The following PRKCA variants were observed in gnomAD, a reference collection of about 807,000 sequenced individuals.
PRKCA encodes the protein protein kinase C alpha type.
A neutral mutation model predicts 87.0 loss-of-function variants in PRKCA; 27 were observed. The observed-to-expected ratio is 0.31, with a 90% CI of 0.23 to 0.43. The LOEUF is 0.43. PRKCA is among the 20% of genes least tolerant of loss of function. The pLI is 1.00. For missense variants in PRKCA, 518 were observed against 852.3 expected (o/e 0.61, Z 4.88); for synonymous variants, 329 against 311.1 (o/e 1.06, Z -0.61).
At chr17:66,619,329 A>G (rs1478800628) in intron 3 of PRKCA, among the ~76,000 whole-genome samples, 1 of 152,176 alleles carries the variant, frequency 6.6e-6, no homozygotes, top group African/African-American at 2.4e-5. Context: ...GCAGGTGTCA[A>G]CCGCTCCAAG....
intron 3 of PRKCA, among the ~76,000 whole-genome samples, chr17:66,530,951 A>G (rs1967514249): frequency 6.6e-6 from 1 of 152,158 alleles, no homozygotes; most frequent in Non-Finnish European, 1.5e-5. Context: ...GCCTCCTGAC[A>G]ATACTTCCAA....
chr17:66,771,893 C>T (rs1974942657), intron 13 of PRKCA, among the ~76,000 whole-genome samples: 1 of 152,216 alleles, frequency 6.6e-6, no homozygotes, highest in Non-Finnish European at 1.5e-5. Context: ...CCACGCCCGC[C>T]GCTTCCTTAT....
At chr17:66,478,442 C>T (rs1038688857) in intron 2 of PRKCA, among the ~76,000 whole-genome samples, 4 of 151,990 alleles carry the variant, frequency 2.6e-5, no homozygotes, top group East Asian at 3.9e-4. Flanking sequence ...TTAGTAGAGA[C>T]GGGGTTTCAC....
At chr17:66,380,701 A>G (rs952619742) in intron 2 of PRKCA, among the ~76,000 whole-genome samples, 8 of 152,168 alleles carry the variant, frequency 5.3e-5, no homozygotes, top group African/African-American at 1.9e-4. Flanking sequence ...TTGTTTTATA[A>G]CATATTTTTC....
chr17:66,470,291 C>T (rs1454161407), intron 2 of PRKCA, among the ~76,000 whole-genome samples: 57 of 143,648 alleles, frequency 4.0e-4, no homozygotes, highest in African/African-American at 1.3e-3. Flanking sequence ...CTGCCACCCC[C>T]CCTCCCCAAC....
At chr17:66,560,924 C>T (rs192749447) in intron 3 of PRKCA, among the ~76,000 whole-genome samples, 6 of 152,264 alleles carry the variant, frequency 3.9e-5, no homozygotes, top group African/African-American at 9.6e-5. Flanking sequence ...AGGAGATTGT[C>T]GGCTGTCTTC....
intron 2 of PRKCA, among the ~76,000 whole-genome samples, chr17:66,395,186 A>C (rs1910593113): frequency 6.6e-6 from 1 of 152,130 alleles, no homozygotes; most frequent in Non-Finnish European, 1.5e-5. Flanking sequence ...CCCACAAACC[A>C]ACAGGACCGT....
intron 3 of PRKCA, among the ~76,000 whole-genome samples, chr17:66,590,765 A>C (rs1969777932): frequency 1.3e-5 from 2 of 151,924 alleles, no homozygotes; most frequent in Non-Finnish European, 2.9e-5. Flanking sequence ...CAGGAGAATC[A>C]CTTGAACCCG....
At chr17:66,348,184 C>T (rs748623610) in intron 2 of PRKCA, among the ~76,000 whole-genome samples, 11 of 152,008 alleles carry the variant, frequency 7.2e-5, no homozygotes, top group Non-Finnish European at 1.2e-4. Context: ...TCATGTGATC[C>T]ACCTGCCTTG....
chr17:66,727,096 T>C (rs897859400), intron 8 of PRKCA, among the ~76,000 whole-genome samples: 1 of 152,114 alleles, frequency 6.6e-6, no homozygotes, highest in Non-Finnish European at 1.5e-5. Context: ...TTGCTGCCCG[T>C]GGGCTAGGGG....
chr17:66,556,323 C>CTTTTTTTTT (rs61549626), intron 3 of PRKCA, among the ~76,000 whole-genome samples: 1 of 129,006 alleles, frequency 7.8e-6, no homozygotes, highest in African/African-American at 2.9e-5. Flanking sequence ...CTTTCTTCTT[C>CTTTTTTTTT]TTTTTTTTTT....
intron 2 of PRKCA, among the ~76,000 whole-genome samples, chr17:66,462,120 T>C (rs1914882062): frequency 6.6e-6 from 1 of 152,174 alleles, no homozygotes. Flanking sequence ...CTTCCCTCTG[T>C]TTGAACTCAA....
At chr17:66,416,814 A>C (rs1912182896) in intron 2 of PRKCA, 1 of 145,396 alleles carries the variant, frequency 6.9e-6, no homozygotes, top group African/African-American at 2.6e-5. Context: ...GGTGCCAGAA[A>C]CCTCACTGTG....
intron 2 of PRKCA, among the ~76,000 whole-genome samples, chr17:66,352,559 T>TTG (rs371118720): frequency 2.1e-3 from 40 of 18,928 alleles, no homozygotes; most frequent in Non-Finnish European, 4.2e-3. Flanking sequence ...TTTTTTGAGG[T>TTG]TTTTTTTTTT....
At chr17:66,450,118 C>T (rs1400371326) in intron 2 of PRKCA, among the ~76,000 whole-genome samples, 2 of 151,528 alleles carry the variant, frequency 1.3e-5, no homozygotes, top group African/African-American at 2.4e-5. Flanking sequence ...ACTGGGTGAC[C>T]TTTGACAAGA....
intron 2 of PRKCA, among the ~76,000 whole-genome samples, chr17:66,428,339 G>A (rs1356618854): frequency 6.6e-6 from 1 of 152,100 alleles, no homozygotes; most frequent in East Asian, 1.9e-4. Context: ...TAATGAACAG[G>A]TGAGATGTCA....
At chr17:66,545,002 A>G (rs1237751709) in intron 3 of PRKCA, among the ~76,000 whole-genome samples, 1 of 152,246 alleles carries the variant, frequency 6.6e-6, no homozygotes, top group Admixed American at 6.5e-5. Flanking sequence ...ACTTACCGAA[A>G]GTTACATTAT....
At chr17:66,433,124 C>G (rs1913183725) in intron 2 of PRKCA, among the ~76,000 whole-genome samples, 1 of 152,196 alleles carries the variant, frequency 6.6e-6, no homozygotes, top group Admixed American at 6.5e-5. Context: ...TATACCCTCA[C>G]TGCCTTTTTT....
chr17:66,794,100 G>C (rs1167152593), intron 16 of PRKCA, among the ~76,000 whole-genome samples: 1 of 152,186 alleles, frequency 6.6e-6, no homozygotes, highest in African/African-American at 2.4e-5. Context: ...GTACTTAAAT[G>C]GTTATTAGAG....
Sources: allele counts gnomAD v4.1 joint callset (sites outside exome capture counted in the v4.1 genomes callset), GRCh38; gene constraint gnomAD v4.1.1; transcripts MANE v1.5; gene names NCBI Gene and HGNC (gene_info 2026-07-23, HGNC 2026-07-21).